Variants in PADI3 observed in about 807,000 individuals in gnomAD.
PADI3 encodes the protein peptidyl arginine deiminase 3, also known as protein-arginine deiminase type-3.
A neutral mutation model predicts 71.5 loss-of-function variants in PADI3; 53 were observed. The ratio of observed to expected loss-of-function variants is 0.74; its 90% CI spans 0.59 to 0.93. The LOEUF (loss-of-function observed/expected upper bound fraction) is 0.93. PADI3 is among the 40% of genes least tolerant of loss of function. The pLI is 0.00. For missense variants in PADI3, 821 were observed against 868.0 expected (o/e 0.95, Z 0.68); for synonymous variants, 361 against 347.5 (o/e 1.04, Z -0.43).
chr1:17,279,907 T>C lies in PADI3; in HGVS notation c.1556-443T>C, dbSNP rs558863384. Among the ~76,000 whole-genome samples, 22 of 152,216 alleles carry C rather than the reference T, an allele frequency of 1.4e-4. 1 individual carries two copies. The highest frequency in any genetic ancestry group is 4.6e-4 in the African/African-American group (19 of 41,546). ...CGCAGTCACCCCCTGAAGGGCAGGA[T>C]TGGGGCTGGATGGTGTCTGAATCCC... On this transcript the variant is annotated intron_variant, in intron 13 of 15. Coordinates refer to ENST00000375460, the MANE Select transcript of PADI3 (RefSeq NM_016233.2).
Position 17,275,063 on chromosome 1 carries a change from A to G in PADI3, c.1307+277A>G, listed in dbSNP as rs368284899. Among the ~76,000 whole-genome samples the G allele has an allele frequency of 1.3e-3, 198 of 152,294 alleles. 1 individual carries two copies. The highest frequency in any genetic ancestry group is 4.6e-3 in the African/African-American group (191 of 41,564). ...GGCCCAGAGAGGGTAAGTGAGTCAC[A>G]TAGAAAGCAAAGTTATAACTAGACT... On this transcript the variant is annotated intron_variant, in intron 11 of 15. Transcript: ENST00000375460.
chr1:17,259,617 G>A lies in PADI3; in HGVS notation c.132G>A (p.Gly44=). The A allele has an allele frequency of 1.2e-6, 2 of 1,612,958 alleles. No homozygotes were observed. Among genetic ancestry groups the A allele is most frequent in the Non-Finnish European group, 1.7e-6 (2 of 1,179,270 alleles). Reference sequence around the variant, plus strand: ...GCACAGAAATGTTTGAGGTCTATGGGACGCCTGGCGTGGACATCTACATCT... The same window carrying A: ...GCACAGAAATGTTTGAGGTCTATGGAACGCCTGGCGTGGACATCTACATCT... ...PEGTEMFEVY[G]TPGVDIYISP... The change falls in exon 2 of 16, where the codon GGG becomes GGA. Residue 44 remains glycine, a synonymous_variant. Coordinates refer to ENST00000375460, the MANE Select transcript of PADI3 (RefSeq NM_016233.2).
chr1:17,268,062 T>C (rs1334401230), intron 6 of PADI3, 100 bp downstream of exon 6: 15 of 1,409,888 alleles, frequency 1.1e-5, no homozygotes, highest in Non-Finnish European at 3.0e-6. Flanking sequence ...AGGTCCTGCT[T>C]ACACTCCGGG....
At chr1:17,252,400 C>CTTTTTTT (rs55649122) in intron 1 of PADI3, among the ~76,000 whole-genome samples, 1 of 119,000 alleles carries the variant, frequency 8.4e-6, no homozygotes, top group Admixed American at 7.9e-5. Context: ...TTTTCTTCTT[C>CTTTTTTT]TTTTTTTTTT....
At chr1:17,250,852 C>T (rs1021320788) in intron 1 of PADI3, among the ~76,000 whole-genome samples, 1 of 152,192 alleles carries the variant, frequency 6.6e-6, no homozygotes, top group African/African-American at 2.4e-5. Context: ...GGCTCCTCCC[C>T]CGCAGAGCTT....
rs1213828988 is a variant in PADI3, at chr1:17,265,696, G to C, written c.384G>C (p.Arg128Ser). ...ATTGCGACCTGAACTGTGAGGGAAG[G>C]CAGGACAGGAACTTTGTAGACAAGG... is the stretch of plus-strand genomic sequence containing the variant. Reference protein sequence around the residue: ...SLDCDLNCEGRQDRNFVDKRQ... With the variant: ...SLDCDLNCEGSQDRNFVDKRQ... The change falls in exon 4 of 16, where the codon AGG becomes AGC. Residue 128 changes from arginine (R) to serine (S), a missense_variant. By Grantham distance (110) the Arg-to-Ser change is moderately radical. Transcript: ENST00000375460. The C allele has an allele frequency of 1.9e-5, 31 of 1,614,076 alleles. No individual in the cohort carries two copies. The highest frequency in any genetic ancestry group is 2.6e-5 in the Non-Finnish European group (31 of 1,180,040).
At chr1:17,273,315 G>T (rs571008816) in intron 9 of PADI3, 25 bp from the exon 10 acceptor site, 2 of 1,579,536 alleles carry the variant, frequency 1.3e-6, no homozygotes, top group Non-Finnish European at 1.7e-6. Flanking sequence ...ACAGCTGTGC[G>T]TCTCTCGCCT....
At chr1:17,253,484 TC>T (rs2072990749) in intron 1 of PADI3, among the ~76,000 whole-genome samples, 1 of 152,132 alleles carries the variant, frequency 6.6e-6, no homozygotes, top group Non-Finnish European at 1.5e-5. Context: ...CACTAAGGTA[TC>T]CCGGGCAGGT....
chr1:17,274,670 C>T lies in PADI3; in HGVS notation c.1191C>T (p.Arg397=), dbSNP rs11585357. The T allele has an allele frequency of 0.14, 231,425 of 1,613,072 alleles. 18,750 individuals are homozygous for T. The highest frequency in any genetic ancestry group is 0.17 in the Non-Finnish European group (194,933 of 1,179,376). Residue 397 remains arginine (R), a synonymous_variant, in exon 11 of 16, where the codon CGC becomes CGT. Coordinates refer to ENST00000375460, the MANE Select transcript of PADI3 (RefSeq NM_016233.2). ...PDFGYVTREP[R]DRSVSGLDSF... ...TTGGTTACGTGACTCGGGAACCACG[C>T]GACAGGTCTGTGAGTGGCCTGGACT...
chr1:17,277,288 A>T (rs3003436), intron 13 of PADI3, among the ~76,000 whole-genome samples: 3 of 151,672 alleles, frequency 2.0e-5, no homozygotes, highest in Non-Finnish European at 4.4e-5. Flanking sequence ...TCCGCCTCCC[A>T]AGTTCAAGCG....
chr1:17,256,693 C>T (rs116723882), intron 1 of PADI3, among the ~76,000 whole-genome samples: 1 of 152,170 alleles, frequency 6.6e-6, no homozygotes, highest in Non-Finnish European at 1.5e-5. Context: ...TGCCCATGGA[C>T]ACTGGAGGCC....
intron 15 of PADI3, among the ~76,000 whole-genome samples, chr1:17,281,162 T>A (rs1170931691): frequency 6.6e-6 from 1 of 152,216 alleles, no homozygotes; most frequent in African/African-American, 2.4e-5. Flanking sequence ...CCATCCCACA[T>A]GTATTTAGGG....
rs2073176083 is a variant in PADI3 at position 17,266,852 on chromosome 1, C to T, written c.526+16C>T. ...TGCCTGCAAGGTGAGGCCGGGGCAG[C>T]CTGAGTCCCTGGGTGTCCAGGGTCA... On this transcript the variant is annotated intron_variant, in intron 5 of 15. Coordinates refer to ENST00000375460, the MANE Select transcript of PADI3 (RefSeq NM_016233.2). The T allele has an allele frequency of 6.3e-7, 1 of 1,585,436 alleles. No homozygotes were observed. The highest frequency in any genetic ancestry group is 1.7e-5 in the Admixed American group (1 of 59,972).
At chr1:17,270,679 G>A (rs1195833713) in intron 7 of PADI3, among the ~76,000 whole-genome samples, 200 bp from the exon 8 acceptor site, 2 of 151,994 alleles carry the variant, frequency 1.3e-5, no homozygotes, top group Non-Finnish European at 2.9e-5. Context: ...AAAGGGCAGT[G>A]GGGAGGACTC....
At chr1:17,269,074 A>C (rs2073210780) in intron 6 of PADI3, among the ~76,000 whole-genome samples, 1 of 151,168 alleles carries the variant, frequency 6.6e-6, no homozygotes, top group African/African-American at 2.4e-5. Context: ...TTGTAAAGAC[A>C]GGGTTTCACC....
At chr1:17,276,387 T>C (rs1293232090) in intron 11 of PADI3, 132 bp from the exon 12 acceptor site, 5 of 772,814 alleles carry the variant, frequency 6.5e-6, no homozygotes, top group African/African-American at 1.8e-5. Flanking sequence ...TACTTTCCTG[T>C]TTATAAAAGT....
Position 17,249,281 on chromosome 1 carries a change from G to C in PADI3, c.92+52G>C. 2.8e-6 allele frequency: 4 copies of C among 1,444,590 alleles called. No homozygotes were observed. In the Middle Eastern group the frequency reaches 6.9e-4, roughly 251 times the overall value. 89.5% of individuals were successfully genotyped at this position (1,444,590 alleles called of 1,614,324 possible). ...CAGGCCCTTGGTGCTGATGCCCTTG[G>C]ACCTTCCTCCCTGCAGGCTGGGCAG... On this transcript the variant is annotated intron_variant, in intron 1 of 15. Transcript: ENST00000375460.
At chr1:17,265,590 C>T in intron 3 of PADI3, 69 bp from the exon 4 acceptor site, 1 of 1,380,290 alleles carries the variant, frequency 7.2e-7, no homozygotes, top group Non-Finnish European at 1.0e-6. Context: ...CCAGACAAGC[C>T]CTGAGATCAA....
In PADI3 at chr1:17,276,873, G is replaced by A. The variant is rs2073340668; in HGVS notation, c.1552G>A (p.Val518Ile). Residue 518 changes from valine to isoleucine, a missense_variant, in exon 13 of 16, where the codon GTT (valine) becomes ATT (isoleucine). Transcript: ENST00000375460. ...HGRALLFQGV[V>I]DDEQVKTISI... Reference sequence around the variant, plus strand: ...GAGGGCCCTCCTGTTCCAGGGGGTTGTTGGTGGGTAACAGTGCCGTGTCCC... The same window carrying A: ...GAGGGCCCTCCTGTTCCAGGGGGTTATTGGTGGGTAACAGTGCCGTGTCCC... The A allele has an allele frequency of 1.9e-6, 3 of 1,610,498 alleles. No individual in the cohort carries two copies. In the South Asian group the frequency reaches 3.3e-5, roughly 18 times the overall value.
Sources: allele counts gnomAD v4.1 joint callset (sites outside exome capture counted in the v4.1 genomes callset), GRCh38; gene constraint gnomAD v4.1.1; transcripts MANE v1.5; gene names NCBI Gene and HGNC (gene_info 2026-07-23, HGNC 2026-07-21).